LPP: variants seen among roughly 807,000 people sequenced by gnomAD.
LPP encodes LIM domain containing preferred translocation partner in lipoma.
Under a neutral mutation model 60.4 loss-of-function variants are expected in LPP, and 38 were observed. The observed-to-expected ratio is 0.63, with a 90% confidence interval of 0.49 to 0.83. The LOEUF is 0.83. LPP is among the 40% of genes least tolerant of loss of function. The probability of loss-of-function intolerance (pLI) is 0.00; values close to 1 mark genes in which losing one functional copy is unlikely to be tolerated. For missense variants in LPP, 902 were observed against 783.6 expected, an observed-to-expected ratio of 1.15 and a Z score of -1.80; for synonymous variants, 328 against 290.8, an observed-to-expected ratio of 1.13 and a Z score of -1.30.
chr3:188,571,512 G>T (rs1294651893), intron 6 of LPP, among the ~76,000 whole-genome samples: 7 of 151,714 alleles, frequency 4.6e-5, no homozygotes, highest in Admixed American at 4.6e-4. Context: ...CTTTTGGTTT[G>T]CTTTAAACAA....
intron 9 of LPP, among the ~76,000 whole-genome samples, chr3:188,856,914 T>C (rs1256898454): frequency 1.3e-5 from 2 of 152,212 alleles, no homozygotes; most frequent in Non-Finnish European, 2.9e-5. Flanking sequence ...AAAACCCAAG[T>C]AGTGTCACAT....
At chr3:188,375,015 A>G (rs1425699510) in intron 3 of LPP, among the ~76,000 whole-genome samples, 1 of 151,966 alleles carries the variant, frequency 6.6e-6, no homozygotes, top group Non-Finnish European at 1.5e-5. Context: ...ACATTTATTG[A>G]TTTGTGTATG....
rs1360623172 is a variant in LPP, at chr3:188,866,232, G to A, written c.1443G>A (p.Lys481=). Residue 481 remains lysine, a synonymous_variant, in exon 10 of 12, where the codon AAG becomes AAA. Coordinates refer to ENST00000617246, the MANE Select transcript of LPP (RefSeq NM_001375462.1). ...NTLEQCNVCS[K]PIMERILRAT... ...TGGAGCAGTGCAATGTGTGTTCCAA[G>A]CCCATCATGGAGCGGATTCTCCGAG... 13 of 1,575,122 alleles carry A rather than the reference G, an allele frequency of 8.3e-6. No homozygotes were observed. The highest frequency in any genetic ancestry group is 1.1e-5 in the Non-Finnish European group (13 of 1,159,824).
chr3:188,530,561 C>T (rs1255466629), intron 6 of LPP, among the ~76,000 whole-genome samples: 2 of 152,184 alleles, frequency 1.3e-5, no homozygotes, highest in Non-Finnish European at 2.9e-5. Flanking sequence ...AGGGAAAGAA[C>T]ACACTCAAGG....
intron 9 of LPP, among the ~76,000 whole-genome samples, chr3:188,841,330 T>G (rs1034128159): frequency 2.6e-5 from 4 of 151,652 alleles, no homozygotes; most frequent in Non-Finnish European, 4.4e-5. Context: ...CCTGACAACT[T>G]AAGACACTAA....
chr3:188,517,130 TG>T (rs1271049959), intron 5 of LPP, among the ~76,000 whole-genome samples: 1 of 152,184 alleles, frequency 6.6e-6, no homozygotes, highest in Non-Finnish European at 1.5e-5. Context: ...TTACTTGACA[TG>T]CATAAACCTA....
intron 7 of LPP, among the ~76,000 whole-genome samples, chr3:188,635,821 CT>C (rs1472006880): frequency 6.6e-6 from 1 of 152,140 alleles, no homozygotes; most frequent in Admixed American, 6.5e-5. Flanking sequence ...ATTCCAATTC[CT>C]GATTTGAATT....
chr3:188,461,030 G>A lies in LPP; in HGVS notation c.194-23562G>A, dbSNP rs150194591. 1.5e-3 allele frequency among the ~76,000 whole-genome samples: 224 copies of A among 152,300 alleles called. 1 individual carries two copies. The highest frequency in any genetic ancestry group is 5.2e-3 in the African/African-American group (215 of 41,552). ...GAAGGTGATAATCAGGGATACCAGAGGAAGACTTAGAGGACTCCAGAGGAT... is the reference window on the plus strand; with the variant it reads ...GAAGGTGATAATCAGGGATACCAGAAGAAGACTTAGAGGACTCCAGAGGAT... On this transcript the variant is annotated intron_variant, in intron 4 of 11. Coordinates refer to ENST00000617246, the MANE Select transcript of LPP (RefSeq NM_001375462.1).
intron 9 of LPP, among the ~76,000 whole-genome samples, chr3:188,793,125 G>A (rs113991044): frequency 2.7e-4 from 41 of 151,934 alleles, no homozygotes; most frequent in African/African-American, 9.7e-4. Context: ...TACTTTGTAC[G>A]TATCAGTCTA....
Position 188,494,184 on chromosome 3 carries a change from A to G in LPP, c.306+9480A>G, listed in dbSNP as rs146601546. On this transcript the variant is annotated intron_variant, in intron 5 of 11. Transcript: ENST00000617246. Reference sequence around the variant, plus strand: ...GAATTGCCCTTAGATGCACAGGTCAAGAGCAGACCAGCAAGGTTAATCTGG... The same window carrying G: ...GAATTGCCCTTAGATGCACAGGTCAGGAGCAGACCAGCAAGGTTAATCTGG... Among the ~76,000 whole-genome samples the G allele has an allele frequency of 6.2e-3, 943 of 152,318 alleles. 8 individuals carry two copies. Among genetic ancestry groups the G allele is most frequent in the African/African-American group, 0.021 (878 of 41,558 alleles).
chr3:188,732,241 T>C (rs575762028), intron 8 of LPP, among the ~76,000 whole-genome samples: 2 of 152,314 alleles, frequency 1.3e-5, no homozygotes, highest in African/African-American at 4.8e-5. Context: ...ATGGAAATGT[T>C]TATCTGACGC....
chr3:188,401,965 G>A (rs928575949), intron 3 of LPP, among the ~76,000 whole-genome samples: 2 of 152,154 alleles, frequency 1.3e-5, no homozygotes, highest in Non-Finnish European at 2.9e-5. Context: ...GAAGTAGCTT[G>A]TTTCAGAGGG....
intron 1 of LPP, among the ~76,000 whole-genome samples, chr3:188,212,472 TTCAAGTG>T (rs981634947): frequency 2.0e-5 from 3 of 152,168 alleles, no homozygotes; most frequent in Non-Finnish European, 4.4e-5. Flanking sequence ...GGGCATGTTC[TTCAAGTG>T]CCAGAGAAGA....
intron 7 of LPP, among the ~76,000 whole-genome samples, chr3:188,630,601 C>A (rs538949883): frequency 2.0e-5 from 3 of 152,292 alleles, no homozygotes; most frequent in Non-Finnish European, 4.4e-5. Flanking sequence ...TTTGACCTAG[C>A]AATCCCATTA....
intron 2 of LPP, among the ~76,000 whole-genome samples, chr3:188,303,060 CTG>C (rs1452144799): frequency 6.6e-6 from 1 of 152,128 alleles, no homozygotes; most frequent in Non-Finnish European, 1.5e-5. Flanking sequence ...GTACTCAACA[CTG>C]TGCTATGTGG....
chr3:188,806,913 G>A (rs1001598984), intron 9 of LPP, among the ~76,000 whole-genome samples: 2 of 151,718 alleles, frequency 1.3e-5, no homozygotes, highest in African/African-American at 4.8e-5. Context: ...GCTTTAGAAT[G>A]TTATCTTTTA....
chr3:188,353,045 C>T (rs764842432), intron 3 of LPP, among the ~76,000 whole-genome samples: 2 of 152,182 alleles, frequency 1.3e-5, no homozygotes, highest in Non-Finnish European at 1.5e-5. Flanking sequence ...TCTGACCTCA[C>T]GTAAGACCTC....
Position 188,583,192 on chromosome 3 carries a change from C to T in LPP, c.430-25969C>T, listed in dbSNP as rs565664447. ...ATAACCTTTTTTGGTTTGTTTTCCA[C>T]GTGCGAAATAGGAACAGTAATTGAA... On this transcript the variant is annotated intron_variant, in intron 6 of 11. Coordinates refer to ENST00000617246, the MANE Select transcript of LPP (RefSeq NM_001375462.1). Among the ~76,000 whole-genome samples, 19 of 152,266 alleles carry T rather than the reference C, an allele frequency of 1.2e-4. No homozygotes were observed. In the South Asian group the frequency reaches 3.5e-3, roughly 28 times the overall value.
At chr3:188,500,747 G>GATTTTTT (rs1232980576) in intron 5 of LPP, among the ~76,000 whole-genome samples, 1 of 152,018 alleles carries the variant, frequency 6.6e-6, no homozygotes, top group Non-Finnish European at 1.5e-5. Context: ...AGCATATTCA[G>GATTTTTT]ATTTTTTATT....
Sources: gnomAD v4.1 joint callset for allele counts (sites outside exome capture counted in the v4.1 genomes callset) on GRCh38, gnomAD v4.1.1 for gene constraint, MANE v1.5 for transcripts, NCBI Gene and HGNC (gene_info 2026-07-23, HGNC 2026-07-21) for gene names.